The following PLCH1 variants were observed in gnomAD, a reference collection of about 807,000 sequenced individuals.
PLCH1 encodes the protein phospholipase C eta 1.
In PLCH1, 60 loss-of-function variants were observed where a neutral mutation model predicts 126.7. The ratio of observed to expected loss-of-function variants is 0.47; its 90% CI spans 0.38 to 0.59. PLCH1 has a LOEUF of 0.59. Ranked by LOEUF, PLCH1 falls within the 20% of genes least tolerant of loss-of-function variation. The pLI is 0.00. For synonymous variants in PLCH1, 719 were observed against 734.9 expected (o/e 0.98, Z 0.35); for missense variants, 1,723 against 2,040.0 (o/e 0.84, Z 2.99).
chr3:155,645,870 A>G (rs1739976802), intron 2 of PLCH1, among the ~76,000 whole-genome samples: 1 of 152,170 alleles, frequency 6.6e-6, no homozygotes, highest in Non-Finnish European at 1.5e-5. Flanking sequence ...AATGCAGGCA[A>G]ATGTTTTCAT....
intron 1 of PLCH1, among the ~76,000 whole-genome samples, chr3:155,741,939 T>A (rs1281851092): frequency 6.6e-6 from 1 of 152,156 alleles, no homozygotes; most frequent in African/African-American, 2.4e-5. Context: ...TTCAAAAATG[T>A]AAGCAAATAG....
intron 19 of PLCH1, among the ~76,000 whole-genome samples, chr3:155,490,463 A>G (rs1166679090): frequency 6.6e-6 from 1 of 152,214 alleles, no homozygotes; most frequent in East Asian, 1.9e-4. Context: ...TCATAAAAAT[A>G]CAATATAAAC....
intron 13 of PLCH1, 54 bp downstream of exon 13, chr3:155,504,501 T>G (rs1198578667): frequency 8.2e-6 from 8 of 981,016 alleles, no homozygotes; most frequent in Non-Finnish European, 6.6e-6. Flanking sequence ...CCTGTTATCT[T>G]CCAGAATCTT....
rs1716706239 is a variant in PLCH1 at position 155,494,427 on chromosome 3, T to A, written c.1985A>T (p.Lys662Met). Reference protein sequence around the residue: ...KSEQFMIYNQKQLTRIYPSAY... With the variant: ...KSEQFMIYNQMQLTRIYPSAY... ...AGAGGGGTAAATCCTCGTGAGTTGC[T>A]TTTGATTATAAATCATGAACTGCTC... Residue 662 changes from lysine (K) to methionine (M), a missense_variant, in exon 16 of 23, where the codon AAG becomes ATG. Lys to Met is a moderately conservative substitution (Grantham distance 95). Around this residue, in one of 2 missense-constraint regions of PLCH1, gnomAD observed 776 missense variants for 1,062.9 expected, o/e 0.73. Coordinates refer to ENST00000460012, the MANE Select transcript of PLCH1 (RefSeq NM_014996.4). The A allele has an allele frequency of 6.2e-7, 1 of 1,613,948 alleles. No homozygotes were observed. Among genetic ancestry groups the A allele is most frequent in the African/African-American group, 1.3e-5 (1 of 74,914 alleles).
At chr3:155,625,829 C>T (rs1324444563) in intron 2 of PLCH1, among the ~76,000 whole-genome samples, 1 of 152,168 alleles carries the variant, frequency 6.6e-6, no homozygotes, top group Admixed American at 6.5e-5. Context: ...GGTGATTCCT[C>T]AAGGATCTAG....
At chr3:155,629,146 A>G (rs1476399920) in intron 2 of PLCH1, among the ~76,000 whole-genome samples, 3 of 152,190 alleles carry the variant, frequency 2.0e-5, no homozygotes, top group African/African-American at 2.4e-5. Context: ...TCAATTTTGC[A>G]TACACATTAG....
At chr3:155,708,957 C>T (rs545125124) in intron 1 of PLCH1, among the ~76,000 whole-genome samples, 1 of 152,292 alleles carries the variant, frequency 6.6e-6, no homozygotes, top group South Asian at 2.1e-4. Flanking sequence ...CCCCTTAGCC[C>T]CTGACGAGCA....
chr3:155,688,319 G>T (rs75578104), intron 2 of PLCH1, among the ~76,000 whole-genome samples: 16,291 of 152,254 alleles, frequency 0.11, 970 homozygotes, highest in Middle Eastern at 0.18. Context: ...AGAAAATGCA[G>T]TGATTTACAA....
Position 155,594,039 on chromosome 3 carries a change from G to T in PLCH1, c.372C>A (p.Asn124Lys). The change falls in exon 4 of 23, where the codon AAC (asparagine) becomes AAA (lysine). Residue 124 changes from asparagine to lysine, a missense_variant. By Grantham distance (94) the Asn-to-Lys change is moderately conservative (BLOSUM62 0). Transcript: ENST00000460012. ...TGATCCAGGTGCGGGCCTCCTCGGG[G>T]TTGGAGGTGATGAGGTCCAGGGACT... ...HMESLDLITS[N>K]PEEARTWITG... 1 of 1,614,042 alleles carries T rather than the reference G, an allele frequency of 6.2e-7. No individual in the cohort carries two copies. Among genetic ancestry groups the T allele is most frequent in the South Asian group, 1.1e-5 (1 of 91,076 alleles).
rs548403652 is a variant in PLCH1 at position 155,699,915 on chromosome 3, C to G, written c.79+4231G>C. ...AGTGCAACACTAACTACAAAGTTTACAGTCCAAAAAGAAATCTTATCTTCT... is the reference window on the plus strand; with the variant it reads ...AGTGCAACACTAACTACAAAGTTTAGAGTCCAAAAAGAAATCTTATCTTCT... On this transcript the variant is annotated intron_variant, in intron 2 of 22. Transcript: ENST00000460012. Among the ~76,000 whole-genome samples, 10 of 152,160 alleles carry G rather than the reference C, an allele frequency of 6.6e-5. No homozygotes were observed. The South Asian group carries it at 1.9e-3, about 28-fold the overall frequency.
At chr3:155,733,438 T>C (rs1199035457) in intron 1 of PLCH1, among the ~76,000 whole-genome samples, 1 of 152,196 alleles carries the variant, frequency 6.6e-6, no homozygotes, top group South Asian at 2.1e-4. Context: ...CAATTGATTT[T>C]CAACAAAGGT....
chr3:155,714,331 C>T (rs1392789416), intron 1 of PLCH1, among the ~76,000 whole-genome samples: 1 of 152,224 alleles, frequency 6.6e-6, no homozygotes, highest in East Asian at 1.9e-4. Flanking sequence ...CAGCCCCAAA[C>T]TGACAGCTTC....
Position 155,482,830 on chromosome 3 carries a change from A to G in PLCH1, c.3196T>C (p.Cys1066Arg), listed in dbSNP as rs1277134411. 1 of 1,613,982 alleles carries G rather than the reference A, an allele frequency of 6.2e-7. No individual in the cohort carries two copies. Among genetic ancestry groups the G allele is most frequent in the Non-Finnish European group, 8.5e-7 (1 of 1,180,020 alleles). ...GRTTSNATSN[C>R]QENPCPSKSL... ...TTGCTGGGACAGGGGTTTTCCTGGC[A>G]ATTGCTTGTGGCATTTGATGTGGTT... The change falls in exon 23 of 23, where the codon TGC (cysteine) becomes CGC (arginine). Residue 1066 changes from cysteine to arginine, a missense_variant. Cys to Arg is a radical substitution (Grantham distance 180, BLOSUM62 -3). Transcript: ENST00000460012.
intron 15 of PLCH1, 69 bp from the exon 16 acceptor site, chr3:155,494,586 T>G: frequency 8.1e-7 from 1 of 1,239,372 alleles, no homozygotes; most frequent in Non-Finnish European, 1.2e-6. Flanking sequence ...CACAGAAGAC[T>G]TTATAATAAT....
intron 1 of PLCH1, among the ~76,000 whole-genome samples, chr3:155,727,657 G>A (rs1483187552): frequency 6.6e-6 from 1 of 152,074 alleles, no homozygotes; most frequent in African/African-American, 2.4e-5. Flanking sequence ...CAAAGTGCTG[G>A]GATCACAGGT....
intron 10 of PLCH1, among the ~76,000 whole-genome samples, chr3:155,544,821 G>C (rs1391730011): frequency 2.0e-5 from 3 of 151,480 alleles, no homozygotes; most frequent in African/African-American, 7.3e-5. Flanking sequence ...CAGAAATAAA[G>C]ATGTTCTTTG....
At chr3:155,709,332 G>A (rs1746920208) in intron 1 of PLCH1, among the ~76,000 whole-genome samples, 1 of 152,174 alleles carries the variant, frequency 6.6e-6, no homozygotes, top group Admixed American at 6.5e-5. Flanking sequence ...GTAAGAGTAT[G>A]TTTAGTTTGT....
intron 6 of PLCH1, among the ~76,000 whole-genome samples, chr3:155,570,264 T>A (rs1729023583): frequency 6.6e-6 from 1 of 152,178 alleles, no homozygotes; most frequent in Non-Finnish European, 1.5e-5. Flanking sequence ...AAGTTATAAG[T>A]TTATTGTATG....
chr3:155,612,545 G>GCC (rs1560246464), intron 2 of PLCH1, among the ~76,000 whole-genome samples: 10 of 151,366 alleles, frequency 6.6e-5, no homozygotes, highest in African/African-American at 2.4e-4. Flanking sequence ...AAAAAAAAAA[G>GCC]ATAAATGAAC....
Sources: allele counts gnomAD v4.1 joint callset (sites outside exome capture counted in the v4.1 genomes callset), GRCh38; gene constraint gnomAD v4.1.1; regional missense constraint gnomAD v4.1.1; transcripts MANE v1.5; gene names NCBI Gene and HGNC (gene_info 2026-07-23, HGNC 2026-07-21).